ZNF717: variants seen among roughly 807,000 people sequenced by gnomAD.
ZNF717 encodes the protein zinc finger protein 717.
In ZNF717, 9 loss-of-function variants were observed where a neutral mutation model predicts 13.8. The observed-to-expected ratio is 0.65, with a 90% CI of 0.39 to 1.14. The LOEUF (loss-of-function observed/expected upper bound fraction) is 1.14, where lower values mean the gene tolerates loss of function less well. Among genes scored for constraint, ZNF717 ranks in the 50% most tolerant of loss-of-function variants. The pLI is 0.01. For synonymous variants in ZNF717, 327 were observed against 364.1 expected, an observed-to-expected ratio of 0.90 and a Z score of 1.16; for missense variants, 1,040 against 1,080.7, an observed-to-expected ratio of 0.96 and a Z score of 0.53.
At chr3:75,784,744 G>C (rs886555104) in intron 1 of ZNF717, 1 of 152,190 alleles carries the variant, frequency 6.6e-6, no homozygotes, top group Non-Finnish European at 1.5e-5. Flanking sequence ...CTAGGGAGTA[G>C]AATTAATATT....
chr3:75,719,300 A>AAG (rs2106856819), intron 4 of ZNF717, among the ~76,000 whole-genome samples: 1 of 151,958 alleles, frequency 6.6e-6, no homozygotes, highest in African/African-American at 2.4e-5. Flanking sequence ...AAAAAAAAAG[A>AAG]ATATTAAAAC....
At chr3:75,776,454 T>C (rs1198759639) in intron 2 of ZNF717, among the ~76,000 whole-genome samples, 4 of 152,216 alleles carry the variant, frequency 2.6e-5, no homozygotes, top group Non-Finnish European at 4.4e-5. Flanking sequence ...TGCAAGAGGG[T>C]TGATGTTAAA....
intron 6 of ZNF717, among the ~76,000 whole-genome samples, chr3:75,696,904 A>AAAC (rs1221380569): frequency 5.5e-3 from 131 of 23,624 alleles, no homozygotes; most frequent in African/African-American, 0.011. Flanking sequence ...AAAAAAAAAA[A>AAAC]AAAAAAAAAA....
chr3:75,727,533 C>T (rs186593300), downstream of ZNF717, among the ~76,000 whole-genome samples: 6 of 152,066 alleles, frequency 3.9e-5, no homozygotes, highest in Non-Finnish European at 5.9e-5. Context: ...TATAGATGGC[C>T]GCTCTGGGAG....
intron 2 of ZNF717, among the ~76,000 whole-genome samples, chr3:75,749,555 T>C (rs1225315597): frequency 6.6e-6 from 1 of 151,584 alleles, no homozygotes; most frequent in African/African-American, 2.4e-5. Context: ...CTTCCTCACA[T>C]AGGATTCCAG....
intron 2 of ZNF717, among the ~76,000 whole-genome samples, chr3:75,765,035 A>ATATATG (rs1559662069): frequency 2.4e-5 from 2 of 81,788 alleles, no homozygotes; most frequent in African/African-American, 4.1e-5. Context: ...ATATATGTAT[A>ATATATG]TGTGTGTGTG....
At chr3:75,734,658 A>G (rs111389110), downstream of ZNF717, among the ~76,000 whole-genome samples, 1 of 150,834 alleles carries the variant, frequency 6.6e-6, no homozygotes, top group African/African-American at 2.4e-5. Flanking sequence ...GATGGTCTCA[A>G]TCTCCTGACC....
intron 2 of ZNF717, among the ~76,000 whole-genome samples, chr3:75,753,109 G>A (rs1281183328): frequency 7.2e-6 from 1 of 138,652 alleles, no homozygotes; most frequent in Non-Finnish European, 1.6e-5. Flanking sequence ...GCTAGGGTCT[G>A]AATATCTGTC....
At chr3:75,783,756 C>A (rs1944978994) in intron 1 of ZNF717, among the ~76,000 whole-genome samples, 2 of 152,102 alleles carry the variant, frequency 1.3e-5, no homozygotes, top group African/African-American at 4.8e-5. Flanking sequence ...ATGTGGATTC[C>A]ACAAATAACT....
At chr3:75,783,960 T>C (rs1463357737) in intron 1 of ZNF717, among the ~76,000 whole-genome samples, 1 of 152,230 alleles carries the variant, frequency 6.6e-6, no homozygotes, top group African/African-American at 2.4e-5. Flanking sequence ...CCTCATATTA[T>C]GCTCTGACAA....
chr3:75,722,073 C>T (rs1938178374), intron 4 of ZNF717, among the ~76,000 whole-genome samples: 1 of 141,940 alleles, frequency 7.0e-6, no homozygotes, highest in Middle Eastern at 3.5e-3. Context: ...CGTTGAAACC[C>T]CATCTCTACT....
chr3:75,724,150 T>G (rs1938227842), intron 4 of ZNF717, among the ~76,000 whole-genome samples: 1 of 151,960 alleles, frequency 6.6e-6, no homozygotes, highest in Non-Finnish European at 1.5e-5. Context: ...ACCTTACCTA[T>G]CATTGGAGAT....
At chr3:75,751,270 A>C (rs1438342118) in intron 2 of ZNF717, among the ~76,000 whole-genome samples, 2 of 134,256 alleles carry the variant, frequency 1.5e-5, no homozygotes, top group African/African-American at 5.7e-5. Flanking sequence ...GAATGTTTGT[A>C]CCCCATGTAG....
At chr3:75,697,226 G>T (rs200002002) in intron 6 of ZNF717, among the ~76,000 whole-genome samples, 2 of 151,704 alleles carry the variant, frequency 1.3e-5, no homozygotes, top group South Asian at 2.1e-4. Flanking sequence ...AATTGGAAAA[G>T]AAGTCAAATT....
At chr3:75,733,150 T>C (rs113581875), downstream of ZNF717, among the ~76,000 whole-genome samples, 1,530 of 151,178 alleles carry the variant, frequency 0.01, 28 homozygotes, top group African/African-American at 0.034. Flanking sequence ...CTCTGAGTTC[T>C]GGAAACTTTG....
At chr3:75,718,648 A>G (rs2106854880) in intron 4 of ZNF717, among the ~76,000 whole-genome samples, 1 of 152,320 alleles carries the variant, frequency 6.6e-6, no homozygotes, top group South Asian at 2.1e-4. Context: ...TTGCAGGATG[A>G]AATTTTTCCA....
At chr3:75,708,842 G>A (rs1264334918), downstream of ZNF717, among the ~76,000 whole-genome samples, 76 of 152,286 alleles carry the variant, frequency 5.0e-4, no homozygotes, top group East Asian at 0.013. Flanking sequence ...GGTTCTACAG[G>A]CCTTGTAGGA....
intron 6 of ZNF717, among the ~76,000 whole-genome samples, chr3:75,702,760 ATAAAT>A (rs1483936419): frequency 1.3e-5 from 2 of 152,286 alleles, no homozygotes; most frequent in Admixed American, 6.5e-5. Flanking sequence ...ACCCACAAAA[ATAAAT>A]TAAAGATTGA....
Position 75,737,172 on chromosome 3 carries a change from T to A in ZNF717, c.2451A>T (p.Lys817Asn). 6.4e-7 allele frequency: 1 copy of A among 1,557,592 alleles called. No homozygotes were observed. Among genetic ancestry groups the A allele is most frequent in the Non-Finnish European group, 8.7e-7 (1 of 1,150,724 alleles). ...THTGEKPFEC[K>N]ECRKTFSQKS... ...TCTGGGAGAAGGTTTTCCTACATTCTTTACATTCAAATGGCTTCTCACCTG... is the reference window on the plus strand; with the variant it reads ...TCTGGGAGAAGGTTTTCCTACATTCATTACATTCAAATGGCTTCTCACCTG... Residue 817 changes from lysine (K) to asparagine (N), a missense_variant, in exon 5 of 5, where the codon AAA becomes AAT. This residue lies in a region of ZNF717 where 873 missense variants were observed against 832.8 expected (regional missense o/e 1.05). Transcript: ENST00000652011.
Sources: allele counts gnomAD v4.1 joint callset (sites outside exome capture counted in the v4.1 genomes callset), GRCh38; gene constraint gnomAD v4.1.1; regional missense constraint gnomAD v4.1.1; transcripts MANE v1.5; gene names NCBI Gene and HGNC (gene_info 2026-07-23, HGNC 2026-07-21).